AGL: variants seen among roughly 807,000 people sequenced by gnomAD.
AGL encodes the protein glycogen debranching enzyme.
In AGL, 128 loss-of-function variants were observed where a neutral mutation model predicts 199.3. That is an observed-to-expected ratio of 0.64 (90% CI 0.56 to 0.74). The LOEUF (loss-of-function observed/expected upper bound fraction) is 0.74, where lower values mean the gene tolerates loss of function less well. AGL is among the 30% of genes least tolerant of loss of function. AGL has a pLI of 0.00. For missense variants in AGL, 1,809 were observed against 1,820.8 expected (o/e 0.99, Z 0.12); for synonymous variants, 584 against 594.7 (o/e 0.98, Z 0.26).
At position 99,888,036 on chromosome 1, in the gene AGL, G is replaced by A; in HGVS notation, c.2740G>A (p.Glu914Lys). ...TCAGATCCTTTACCGATGTGAATCAGAAGAAAAGGAAGATGGTGGAGGGTG... is the reference window on the plus strand; with the variant it reads ...TCAGATCCTTTACCGATGTGAATCAAAAGAAAAGGAAGATGGTGGAGGGTG... ...LNQILYRCES[E>K]EKEDGGGCYD... Residue 914 changes from glutamate (E) to lysine (K), a missense_variant, in exon 21 of 34, where the codon GAA (glutamate) becomes AAA (lysine). Physicochemically the swap from Glu to Lys is moderately conservative, Grantham distance 56. Coordinates refer to ENST00000361915, the MANE Select transcript of AGL (RefSeq NM_000642.3). The A allele has an allele frequency of 6.2e-7, 1 of 1,613,534 alleles. No homozygotes were observed. The highest frequency in any genetic ancestry group is 8.5e-7 in the Non-Finnish European group (1 of 1,179,662).
chr1:99,910,801 G>A lies in AGL; in HGVS notation c.3790G>A (p.Gly1264Arg). ...FNCGTWMDKM[G>R]ESDRARNRGI... ...TTGTGGCACATGGATGGATAAAATG[G>A]GAGAAAGTGACAGAGCTAGAAACAG... The change falls in exon 28 of 34, where the codon GGA becomes AGA. Residue 1264 changes from glycine (G) to arginine (R), a missense_variant. Gly to Arg is a moderately radical substitution (Grantham distance 125, BLOSUM62 -2). Coordinates refer to ENST00000361915, the MANE Select transcript of AGL (RefSeq NM_000642.3). 2 of 1,613,270 alleles carry A rather than the reference G, an allele frequency of 1.2e-6. No individual in the cohort carries two copies. Among genetic ancestry groups the A allele is most frequent in the East Asian group, 2.2e-5 (1 of 44,788 alleles).
At chr1:99,909,085 C>T (rs539488747) in intron 27 of AGL, among the ~76,000 whole-genome samples, 1 of 152,168 alleles carries the variant, frequency 6.6e-6, no homozygotes, top group African/African-American at 2.4e-5. Context: ...GAGGGGCACC[C>T]CATCACTGCT....
At position 99,892,503 on chromosome 1, in the gene AGL, A is replaced by G. The variant is rs769337147; in HGVS notation, c.3155A>G (p.Lys1052Arg). Residue 1052 changes from lysine (K) to arginine (R), a missense_variant, in exon 24 of 34, where the codon AAA becomes AGA. By Grantham distance (26) the Lys-to-Arg change is conservative. Coordinates refer to ENST00000361915, the MANE Select transcript of AGL (RefSeq NM_000642.3). ...LGSVQLCGVG[K>R]FPSLPILSPA... ...TCAGTTCAACTGTGTGGAGTAGGAAAATTCCCTTCCCTGCCAATTCTTTCA... is the reference window on the plus strand; with the variant it reads ...TCAGTTCAACTGTGTGGAGTAGGAAGATTCCCTTCCCTGCCAATTCTTTCA... 1.7e-5 allele frequency: 27 copies of G among 1,613,670 alleles called. No individual in the cohort carries two copies. In the Middle Eastern group the frequency reaches 5.0e-4, roughly 30 times the overall value.
chr1:99,882,205 G>A (rs1320436462), intron 17 of AGL, among the ~76,000 whole-genome samples: 1 of 150,602 alleles, frequency 6.6e-6, no homozygotes. Context: ...ACAAAACCTA[G>A]ACAGAAATAC....
intron 24 of AGL, 29 bp downstream of exon 24, chr1:99,892,636 T>A (rs201222919): frequency 2.5e-6 from 4 of 1,602,262 alleles, no homozygotes; most frequent in Non-Finnish European, 3.4e-6. Flanking sequence ...GGTTAAAATA[T>A]GTAAATCGAT....
At chr1:99,861,977 G>A (rs924102943) in intron 3 of AGL, among the ~76,000 whole-genome samples, 5 of 152,150 alleles carry the variant, frequency 3.3e-5, no homozygotes, top group Non-Finnish European at 4.4e-5. Flanking sequence ...GTTTATTTGC[G>A]TGCCCTTGTT....
intron 2 of AGL, among the ~76,000 whole-genome samples, chr1:99,856,867 A>C (rs1042807304): frequency 6.6e-6 from 1 of 152,186 alleles, no homozygotes; most frequent in Non-Finnish European, 1.5e-5. Flanking sequence ...CAACAATCTG[A>C]TTTCTCTATC....
intron 29 of AGL, 43 bp from the exon 30 acceptor site, chr1:99,913,484 G>C: frequency 6.8e-7 from 1 of 1,470,974 alleles, no homozygotes; most frequent in Non-Finnish European, 9.5e-7. Context: ...TGTGTGAATT[G>C]TTTTGAATGA....
At chr1:99,852,351 CTTTTTTT>C (rs11363065) in intron 2 of AGL, among the ~76,000 whole-genome samples, 6 of 97,554 alleles carry the variant, frequency 6.2e-5, no homozygotes, top group South Asian at 3.6e-4. Flanking sequence ...GCATTCATTT[CTTTTTTT>C]TTTTTTTTTT....
intron 13 of AGL, 114 bp downstream of exon 13, chr1:99,880,160 C>T: frequency 7.0e-7 from 1 of 1,422,548 alleles, no homozygotes. Flanking sequence ...AGTTAATGTT[C>T]TTCTAAATAC....
intron 27 of AGL, among the ~76,000 whole-genome samples, chr1:99,907,131 T>C (rs1654345348): frequency 6.6e-6 from 1 of 152,200 alleles, no homozygotes; most frequent in Non-Finnish European, 1.5e-5. Flanking sequence ...CATCTTTTTA[T>C]ATGTTTGTTT....
intron 30 of AGL, among the ~76,000 whole-genome samples, chr1:99,914,486 T>C (rs2100864088): frequency 6.6e-6 from 1 of 152,366 alleles, no homozygotes; most frequent in African/African-American, 2.4e-5. Flanking sequence ...CTTCTATGCC[T>C]GGCTAGCTGT....
intron 5 of AGL, among the ~76,000 whole-genome samples, chr1:99,868,851 G>T (rs188228164): frequency 0.018 from 2,681 of 150,022 alleles, 37 homozygotes; most frequent in Non-Finnish European, 0.028. Context: ...TTGAGACAGG[G>T]TCTCATTCTG....
intron 21 of AGL, among the ~76,000 whole-genome samples, chr1:99,889,399 T>G (rs1652710471): frequency 1.3e-5 from 2 of 152,104 alleles, no homozygotes; most frequent in African/African-American, 4.8e-5. Flanking sequence ...TACAAAATGT[T>G]TTGTGCTATG....
chr1:99,865,924 C>T (rs1352961186), intron 5 of AGL, among the ~76,000 whole-genome samples: 4 of 152,264 alleles, frequency 2.6e-5, no homozygotes, highest in Admixed American at 1.3e-4. Context: ...TCCAGTTCTA[C>T]GGTGAAAACT....
chr1:99,877,746 A>G lies in AGL; in HGVS notation c.1529A>G (p.Lys510Arg), dbSNP rs1651669142. The change falls in exon 12 of 34, where the codon AAA becomes AGA. Residue 510 changes from lysine to arginine, a missense_variant. By Grantham distance (26) the Lys-to-Arg change is conservative. Coordinates refer to ENST00000361915, the MANE Select transcript of AGL (RefSeq NM_000642.3). Reference sequence around the variant, plus strand: ...TGTCCTTATCTCTGGGCACACATGAAAAAATACACTGAAATAACTGCAACT... The same window carrying G: ...TGTCCTTATCTCTGGGCACACATGAGAAAATACACTGAAATAACTGCAACT... ...EDCPYLWAHM[K>R]KYTEITATYF... 1.2e-6 allele frequency: 2 copies of G among 1,613,992 alleles called. No individual in the cohort carries two copies. Among genetic ancestry groups the G allele is most frequent in the South Asian group, 1.1e-5 (1 of 91,088 alleles).
chr1:99,873,833 C>G (rs1651233981), intron 7 of AGL, among the ~76,000 whole-genome samples: 1 of 152,108 alleles, frequency 6.6e-6, no homozygotes, highest in Non-Finnish European at 1.5e-5. Context: ...CGTGAATAAC[C>G]ACTACACTAT....
rs1367695425 is a variant in AGL, at chr1:99,899,530, TTCTCTCTCTCTTTC to T, written c.3363-1094_3363-1081del. On this transcript the variant is annotated intron_variant, in intron 25 of 33. Transcript: ENST00000361915. ...TTTCTTTCTCTCTCTCTCTCTCTCT[TTCTCTCTCTCTTTC>T]TCTCTCTCTCTCTTTCCCTCCCTCC... Among the ~76,000 whole-genome samples, 5 of 146,858 alleles carry T rather than the reference TTCTCTCTCTCTTTC, an allele frequency of 3.4e-5. No homozygotes were observed. The East Asian group carries it at 8.2e-4, about 24-fold the overall frequency.
At position 99,874,941 on chromosome 1, in the gene AGL, A is replaced by G. The variant is rs1006227187; in HGVS notation, c.1082+131A>G. On this transcript the variant is annotated intron_variant, in intron 8 of 33. Coordinates refer to ENST00000361915, the MANE Select transcript of AGL (RefSeq NM_000642.3). ...TAAAGTAATTCACTGTAATTCTACT[A>G]TTTCAGCACATGACATTTTCCCACT... is the stretch of plus-strand genomic sequence containing the variant. The G allele has an allele frequency of 1.1e-5, 13 of 1,220,844 alleles. No homozygotes were observed. The African/African-American group carries it at 1.5e-4, about 14-fold the overall frequency. 75.6% of individuals were successfully genotyped at this position (1,220,844 alleles called of 1,614,324 possible). A position where few individuals can be genotyped will look rare whatever the true frequency, so the allele number is the denominator to read the frequency against.
Sources: gnomAD v4.1 joint callset for allele counts (sites outside exome capture counted in the v4.1 genomes callset) on GRCh38, gnomAD v4.1.1 for gene constraint, MANE v1.5 for transcripts, NCBI Gene and HGNC (gene_info 2026-07-23, HGNC 2026-07-21) for gene names.